Variants in PITPNB observed in about 807,000 individuals in gnomAD.
PITPNB encodes the protein phosphatidylinositol transfer protein beta isoform.
Under a neutral mutation model 45.9 loss-of-function variants are expected in PITPNB, and 16 were observed. The ratio of observed to expected loss-of-function variants is 0.35; its 90% confidence interval spans 0.24 to 0.53. The LOEUF is 0.53. Ranked by LOEUF, PITPNB falls within the 20% of genes least tolerant of loss-of-function variation. The pLI is 0.93. For missense variants in PITPNB, 188 were observed against 330.5 expected (o/e 0.57, Z 3.34); for synonymous variants, 112 against 108.9 (o/e 1.03, Z -0.18).
Position 27,894,631 on chromosome 22 carries a change from C to A in PITPNB, c.380G>T (p.Gly127Val), listed in dbSNP as rs1014245227. 2 of 1,581,358 alleles carry A rather than the reference C, an allele frequency of 1.3e-6. No homozygotes were observed. The highest frequency in any genetic ancestry group is 1.7e-6 in the Non-Finnish European group (2 of 1,151,826). ...PDLGTLENVHGLDPNTWKTVE... is the reference protein window; with the variant it reads ...PDLGTLENVHVLDPNTWKTVE... ...AGTTTTCCATGTGTTTGGATCTAAACCATGTACCTACCAATGACAAAGAGA... is the reference window on the plus strand; with the variant it reads ...AGTTTTCCATGTGTTTGGATCTAAAACATGTACCTACCAATGACAAAGAGA... The change falls in exon 7 of 12, where the codon GGT (glycine) becomes GTT (valine). Residue 127 changes from glycine to valine, a missense_variant. Physicochemically the swap from Gly to Val is moderately radical, Grantham distance 109. Transcript: ENST00000335272.
chr22:27,859,912 A>C (rs867930274), intron 9 of PITPNB, among the ~76,000 whole-genome samples: 26 of 152,226 alleles, frequency 1.7e-4, no homozygotes, highest in Admixed American at 2.6e-4. Context: ...TTGAACAAAA[A>C]GCTGCTGTGC....
intron 7 of PITPNB, among the ~76,000 whole-genome samples, chr22:27,882,258 C>T (rs912739328): frequency 4.6e-5 from 7 of 151,856 alleles, no homozygotes; most frequent in African/African-American, 1.7e-4. Context: ...ACAATATACA[C>T]CCATGGTTTA....
At chr22:27,908,652 G>C (rs974083751) in intron 3 of PITPNB, among the ~76,000 whole-genome samples, 37 of 152,034 alleles carry the variant, frequency 2.4e-4, no homozygotes, top group African/African-American at 8.7e-4. Flanking sequence ...ACAGGTAAAT[G>C]CAAAAATGCT....
intron 8 of PITPNB, among the ~76,000 whole-genome samples, chr22:27,868,620 C>T (rs925602897): frequency 2.6e-5 from 4 of 152,168 alleles, no homozygotes; most frequent in African/African-American, 7.2e-5. Flanking sequence ...AGGCCAAGCT[C>T]GGACTGCTGG....
chr22:27,906,702 A>C (rs560827854), intron 3 of PITPNB, among the ~76,000 whole-genome samples: 1 of 152,238 alleles, frequency 6.6e-6, no homozygotes, highest in Admixed American at 6.5e-5. Flanking sequence ...GTAAAAATAC[A>C]TAAGTACTAG....
chr22:27,860,242 C>T lies in PITPNB; in HGVS notation c.535-1G>A. ...AGTCAGGGCTGTTTGCCAGCTCCTT[C>T]TAGATGAGAAAAATTGAAAAGGAGA... On this transcript the variant is annotated splice_acceptor_variant, in intron 8 of 11. Coordinates refer to ENST00000335272, the MANE Select transcript of PITPNB (RefSeq NM_012399.5). LOFTEE classifies it high-confidence loss of function. 1 of 1,572,468 alleles carries T rather than the reference C, an allele frequency of 6.4e-7. No individual in the cohort carries two copies. Among genetic ancestry groups the T allele is most frequent in the South Asian group, 1.2e-5 (1 of 86,876 alleles).
At chr22:27,862,989 C>G (rs1250076097) in intron 8 of PITPNB, among the ~76,000 whole-genome samples, 1 of 152,168 alleles carries the variant, frequency 6.6e-6, no homozygotes, top group East Asian at 1.9e-4. Flanking sequence ...TCTAAGTGCC[C>G]AGCTTTATTG....
chr22:27,852,220 C>T lies in PITPNB; in HGVS notation c.*1482G>A, dbSNP rs2146339561. The T allele has an allele frequency of 1.3e-5, 2 of 152,210 alleles. No homozygotes were observed. The highest frequency in any genetic ancestry group is 6.5e-5 in the Admixed American group (1 of 15,294). 9.4% of individuals were successfully genotyped at this position (152,210 alleles called of 1,614,324 possible). On this transcript the variant is annotated 3_prime_UTR_variant, in exon 12 of 12. Coordinates refer to ENST00000335272, the MANE Select transcript of PITPNB (RefSeq NM_012399.5). The stretch of plus-strand genomic sequence containing the variant: ...GCAGGACTGTCAGCAAATCAGATTA[C>T]TAATGTGATTTGACTGCAGGGGTTG...
At chr22:27,870,310 CT>C (rs986659235) in intron 8 of PITPNB, among the ~76,000 whole-genome samples, 1 of 152,194 alleles carries the variant, frequency 6.6e-6, no homozygotes, top group African/African-American at 2.4e-5. Context: ...TTCTTTACCC[CT>C]AGTCAGTCTG....
rs1055721426 is a variant in PITPNB, at chr22:27,851,671, G to A, written c.*2031C>T. 6.6e-6 allele frequency: 1 copy of A among 152,232 alleles called. No homozygotes were observed. The highest frequency in any genetic ancestry group is 1.5e-5 in the Non-Finnish European group (1 of 68,006). The allele number at this position is 152,232 out of a possible 1,614,324, so 9.4% of individuals were successfully genotyped here. A position where few individuals can be genotyped will look rare whatever the true frequency, so the allele number is the denominator to read the frequency against. ...AAACAACCACTCAAGCACACAAGTG[G>A]CATTTTGTGATCAAATTTATTTTTT... is the stretch of plus-strand genomic sequence containing the variant. On this transcript the variant is annotated 3_prime_UTR_variant, in exon 12 of 12. Coordinates refer to ENST00000335272, the MANE Select transcript of PITPNB (RefSeq NM_012399.5).
At chr22:27,858,314 T>G in intron 10 of PITPNB, 73 bp downstream of exon 10, 1 of 1,164,480 alleles carries the variant, frequency 8.6e-7, no homozygotes, top group Non-Finnish European at 1.2e-6. Context: ...ATTCTAACTC[T>G]GTATTTACCA....
chr22:27,864,234 G>GA (rs1362770376), intron 8 of PITPNB, among the ~76,000 whole-genome samples: 2 of 152,100 alleles, frequency 1.3e-5, no homozygotes, highest in Admixed American at 6.5e-5. Context: ...TGATTTGTGG[G>GA]AGTCATCTGT....
At chr22:27,897,073 T>A in intron 5 of PITPNB, 57 bp downstream of exon 5, 2 of 1,200,916 alleles carry the variant, frequency 1.7e-6, no homozygotes, top group Non-Finnish European at 2.5e-6. Context: ...ATAATTACTG[T>A]GTAAAACAAA....
chr22:27,855,502 A>G (rs1473843628), intron 10 of PITPNB, among the ~76,000 whole-genome samples: 1 of 152,262 alleles, frequency 6.6e-6, no homozygotes, highest in Non-Finnish European at 1.5e-5. Context: ...ACAGGCATTC[A>G]TAACAATAGC....
chr22:27,910,933 T>C (rs995937890), intron 3 of PITPNB, 31 bp downstream of exon 3: 1 of 1,579,604 alleles, frequency 6.3e-7, no homozygotes, highest in Admixed American at 1.7e-5. Context: ...AGCCAGGTAG[T>C]TACAAGGCGT....
chr22:27,882,160 C>T (rs1934991866), intron 7 of PITPNB, among the ~76,000 whole-genome samples: 1 of 152,132 alleles, frequency 6.6e-6, no homozygotes, highest in African/African-American at 2.4e-5. Context: ...CCCTAAGATT[C>T]AATCCAAATA....
At chr22:27,876,816 T>C (rs548966762) in intron 7 of PITPNB, among the ~76,000 whole-genome samples, 26 of 152,290 alleles carry the variant, frequency 1.7e-4, no homozygotes, top group African/African-American at 6.3e-4. Flanking sequence ...TGAGCAATAG[T>C]GTGGAATGAG....
intron 3 of PITPNB, chr22:27,898,095 G>C: frequency 1.9e-6 from 1 of 516,598 alleles, no homozygotes; most frequent in East Asian, 3.5e-5. Flanking sequence ...AGAATATTTA[G>C]CTGGGTATGG....
intron 8 of PITPNB, among the ~76,000 whole-genome samples, chr22:27,862,521 AAAT>A (rs1934368744): frequency 6.6e-6 from 1 of 152,202 alleles, no homozygotes. Flanking sequence ...AGTTAAATAA[AAAT>A]ATTATAGTAA....
Sources: gnomAD v4.1 joint callset for allele counts (sites outside exome capture counted in the v4.1 genomes callset) on GRCh38, gnomAD v4.1.1 for gene constraint, MANE v1.5 for transcripts, NCBI Gene and HGNC (gene_info 2026-07-23, HGNC 2026-07-21) for gene names.